Variants in ELF2 observed in about 807,000 individuals in gnomAD.
ELF2 encodes the protein E74 like ETS transcription factor 2, also known as ETS-related transcription factor Elf-2.
ELF2 carries 11 observed loss-of-function variants against 54.8 expected under a neutral mutation model. That is an observed-to-expected ratio of 0.20 (90% CI 0.13 to 0.33). The LOEUF is 0.33. Ranked by LOEUF, ELF2 falls within the 10% of genes least tolerant of loss-of-function variation. The pLI is 1.00. For synonymous variants in ELF2, 203 were observed against 245.1 expected (o/e 0.83, Z 1.61); for missense variants, 513 against 703.0 (o/e 0.73, Z 3.06).
In ELF2 at chr4:139,112,703, T is replaced by A. The variant is rs543044142; in HGVS notation, c.238+12461A>T. Among the ~76,000 whole-genome samples the A allele has an allele frequency of 1.2e-4, 19 of 152,144 alleles. No homozygotes were observed. The East Asian group carries it at 1.5e-3, about 12-fold the overall frequency. The stretch of plus-strand genomic sequence containing the variant: ...TAGATACACTGTTGTATAGCAAAAA[T>A]TTTTTTTTAATTTTTTTAGTATTTA... On this transcript the variant is annotated intron_variant, in intron 4 of 9. Transcript: ENST00000686138.
intron 3 of ELF2, among the ~76,000 whole-genome samples, chr4:139,130,056 TCTGA>T (rs978940158): frequency 3.3e-5 from 5 of 151,996 alleles, no homozygotes; most frequent in Non-Finnish European, 5.9e-5. Context: ...CCTCACCCAA[TCTGA>T]CTATGTCCTT....
At chr4:139,117,747 CA>C (rs916804983) in intron 4 of ELF2, 9 of 152,844 alleles carry the variant, frequency 5.9e-5, no homozygotes, top group African/African-American at 1.9e-4. Flanking sequence ...GTCAAGAGAT[CA>C]AGACCATCCT....
chr4:139,064,999 C>A (rs1220912904), intron 7 of ELF2, among the ~76,000 whole-genome samples: 3 of 152,206 alleles, frequency 2.0e-5, no homozygotes, highest in Non-Finnish European at 4.4e-5. Context: ...TTAAAACAAA[C>A]CATGTATAAT....
chr4:139,086,077 TTAC>T (rs1402929847), intron 4 of ELF2, among the ~76,000 whole-genome samples: 109 of 152,346 alleles, frequency 7.2e-4, no homozygotes, highest in African/African-American at 2.4e-3. Context: ...TAAATCCATT[TTAC>T]TACTATTATA....
chr4:139,071,094 G>A (rs1029005185), intron 6 of ELF2, among the ~76,000 whole-genome samples: 2 of 152,070 alleles, frequency 1.3e-5, no homozygotes, highest in Admixed American at 1.3e-4. Flanking sequence ...GTGGGATGGG[G>A]GGAGCAGAAA....
At chr4:139,059,864 T>C (rs1727570902) in intron 9 of ELF2, among the ~76,000 whole-genome samples, 1 of 151,766 alleles carries the variant, frequency 6.6e-6, no homozygotes, top group Non-Finnish European at 1.5e-5. Context: ...TTTTTTTTTT[T>C]GGAGATAAGG....
At chr4:139,105,903 G>A (rs1734358850) in intron 4 of ELF2, among the ~76,000 whole-genome samples, 1 of 152,054 alleles carries the variant, frequency 6.6e-6, no homozygotes, top group African/African-American at 2.4e-5. Flanking sequence ...AAATAATAAC[G>A]ATCCCTGGCC....
At chr4:139,145,781 C>T (rs1365807650) in intron 1 of ELF2, among the ~76,000 whole-genome samples, 2 of 151,870 alleles carry the variant, frequency 1.3e-5, no homozygotes, top group Non-Finnish European at 2.9e-5. Context: ...CAATTAAAAA[C>T]AAAAACCACA....
intron 1 of ELF2, among the ~76,000 whole-genome samples, chr4:139,140,908 C>T (rs1378399173): frequency 6.6e-6 from 1 of 152,094 alleles, no homozygotes; most frequent in Non-Finnish European, 1.5e-5. Flanking sequence ...AGCACTCCTC[C>T]TTCTATCAAA....
rs953342683 is a variant in ELF2, at chr4:139,073,741, A to G, written c.239-174T>C. 2.0e-5 allele frequency: 7 copies of G among 353,674 alleles called. 1 individual carries two copies. Among genetic ancestry groups the G allele is most frequent in the Non-Finnish European group, 3.5e-5 (7 of 198,854 alleles). The allele number at this position is 353,674 out of a possible 1,614,324, so 21.9% of individuals were successfully genotyped here. ...CTATTCGTCTATATAAATTACAGAA[A>G]TAATTTTTAAAAAGCTAATATCTAC... On this transcript the variant is annotated intron_variant, in intron 4 of 9. Coordinates refer to ENST00000686138, the MANE Select transcript of ELF2 (RefSeq NM_001331036.3).
At chr4:139,059,630 G>C (rs368719222) in intron 9 of ELF2, 23 bp from the exon 10 acceptor site, 108 of 1,589,426 alleles carry the variant, frequency 6.8e-5, no homozygotes, top group Non-Finnish European at 9.0e-5. Context: ...AAAGAAAAAA[G>C]CTGATTATAT....
intron 4 of ELF2, among the ~76,000 whole-genome samples, chr4:139,111,633 T>C (rs1453275867): frequency 3.4e-4 from 52 of 152,138 alleles, no homozygotes; most frequent in Non-Finnish European, 4.4e-5. Context: ...ACTCGCTGTT[T>C]TGAGTCTCGC....
intron 8 of ELF2, among the ~76,000 whole-genome samples, 174 bp from the exon 9 acceptor site, chr4:139,060,848 T>C (rs1727731039): frequency 6.6e-6 from 1 of 152,184 alleles, no homozygotes; most frequent in African/African-American, 2.4e-5. Context: ...GTTACAAATT[T>C]AGAGTAGGAA....
At chr4:139,171,859 G>C (rs1392742304) in intron 1 of ELF2, among the ~76,000 whole-genome samples, 18 of 152,196 alleles carry the variant, frequency 1.2e-4, no homozygotes, top group Admixed American at 1.1e-3. Flanking sequence ...AGGAGAGAGA[G>C]GTTGCAGTGA....
chr4:139,159,067 G>A (rs927433644), intron 1 of ELF2, among the ~76,000 whole-genome samples: 3 of 152,170 alleles, frequency 2.0e-5, no homozygotes, highest in African/African-American at 7.2e-5. Flanking sequence ...TGACAGAAGG[G>A]AAGAAATGAC....
intron 1 of ELF2, among the ~76,000 whole-genome samples, chr4:139,170,376 G>A (rs778333630): frequency 4.2e-4 from 60 of 143,662 alleles, no homozygotes; most frequent in Non-Finnish European, 7.3e-4. Flanking sequence ...GCGATTCTCT[G>A]TCTCAGCCTC....
At chr4:139,108,881 T>A (rs2148803336) in intron 4 of ELF2, among the ~76,000 whole-genome samples, 1 of 152,300 alleles carries the variant, frequency 6.6e-6, no homozygotes, top group East Asian at 1.9e-4. Flanking sequence ...CTGAACATTT[T>A]AAGATCCGGG....
chr4:139,110,810 T>G (rs1734877002), intron 4 of ELF2, among the ~76,000 whole-genome samples: 1 of 152,178 alleles, frequency 6.6e-6, no homozygotes, highest in African/African-American at 2.4e-5. Context: ...AAAAGATCAC[T>G]TCTTTTTGGC....
chr4:139,082,754 A>G (rs551858123), intron 4 of ELF2, among the ~76,000 whole-genome samples: 1 of 152,342 alleles, frequency 6.6e-6, no homozygotes, highest in African/African-American at 2.4e-5. Context: ...CTCATCGTCC[A>G]CTTCCCATCC....
Sources: allele counts gnomAD v4.1 joint callset (sites outside exome capture counted in the v4.1 genomes callset), GRCh38; gene constraint gnomAD v4.1.1; transcripts MANE v1.5; gene names NCBI Gene and HGNC (gene_info 2026-07-23, HGNC 2026-07-21).